PVR: variants seen among roughly 807,000 people sequenced by gnomAD.
PVR encodes the protein poliovirus receptor.
Under a neutral mutation model 43.3 loss-of-function variants are expected in PVR, and 39 were observed. That is an observed-to-expected ratio of 0.90 (90% CI 0.70 to 1.18). The LOEUF is 1.18. PVR is among the 50% of genes most tolerant of loss of function. PVR has a pLI of 0.00. For synonymous variants in PVR, 224 were observed against 233.2 expected (o/e 0.96, Z 0.36); for missense variants, 480 against 549.7 (o/e 0.87, Z 1.27).
chr19:44,657,681 C>T, intron 4 of PVR, 81 bp from the exon 5 acceptor site: 1 of 1,460,312 alleles, frequency 6.8e-7, no homozygotes, highest in South Asian at 1.2e-5. Context: ...GTGAGGGTTT[C>T]TGGGCACGTA....
chr19:44,653,712 A>G (rs753141080), intron 3 of PVR, 188 bp from the exon 4 acceptor site: 3 of 566,138 alleles, frequency 5.3e-6, no homozygotes, highest in Admixed American at 2.5e-5. Flanking sequence ...CCATGTCCCC[A>G]CTGACCAAGG....
At position 44,657,916 on chromosome 19, in the gene PVR, G is replaced by C; in HGVS notation, c.991+6G>C. ...ACTGACCGTCCAGGTCAAAGGTGAG[G>C]AACTCCCTGGGTGGGAAGAACAGGG... On this transcript the variant is annotated splice_donor_region_variant and intron_variant, in intron 5 of 7. Transcript: ENST00000425690. 4 of 1,612,944 alleles carry C rather than the reference G, an allele frequency of 2.5e-6. No individual in the cohort carries two copies. In the South Asian group the frequency reaches 3.3e-5, roughly 13 times the overall value.
At chr19:44,660,436 T>C (rs1415806920) in intron 6 of PVR, among the ~76,000 whole-genome samples, 1 of 152,216 alleles carries the variant, frequency 6.6e-6, no homozygotes, top group Non-Finnish European at 1.5e-5. Flanking sequence ...ATACTGAGTA[T>C]GTATTTGCTA....
intron 3 of PVR, among the ~76,000 whole-genome samples, chr19:44,650,369 T>TCTGCACGGATACCTGACACTCTGTTGA (rs1973248164): frequency 6.6e-6 from 1 of 152,086 alleles, no homozygotes; most frequent in African/African-American, 2.4e-5. Flanking sequence ...CTAGCGGCTG[T>TCTGCACGGATACCTGACACTCTGTTGA]CTGCACGGAT....
At position 44,663,630 on chromosome 19, in the gene PVR, G is replaced by A. The variant is rs1973639910; in HGVS notation, c.*1819G>A. 1 of 152,182 alleles carries A rather than the reference G, an allele frequency of 6.6e-6. No homozygotes were observed. Among genetic ancestry groups the A allele is most frequent in the Non-Finnish European group, 1.5e-5 (1 of 68,048 alleles). The allele number at this position is 152,182 out of a possible 1,614,324, so 9.4% of individuals were successfully genotyped here. A position where few individuals can be genotyped will look rare whatever the true frequency, so the allele number is the denominator to read the frequency against. On this transcript the variant is annotated 3_prime_UTR_variant, in exon 8 of 8. Coordinates refer to ENST00000425690, the MANE Select transcript of PVR (RefSeq NM_006505.5). ...TTTTGTGGAAATCAAGGAGCAGACA[G>A]GTTTCATGTGTACTGTCACCACGTG... is the stretch of plus-strand genomic sequence containing the variant.
chr19:44,647,530 G>T lies in PVR; in HGVS notation c.387G>T (p.Pro129=), dbSNP rs1973162325. The part of the protein sequence containing the change: ...GNYTCLFVTF[P]QGSRSVDIWL... ...ACACCTGCCTGTTCGTCACGTTCCC[G>T]CAGGGCAGCAGGAGCGTGGATATCT... Residue 129 remains proline, a synonymous_variant, in exon 2 of 8, where the codon CCG becomes CCT. Coordinates refer to ENST00000425690, the MANE Select transcript of PVR (RefSeq NM_006505.5). 6.2e-7 allele frequency: 1 copy of T among 1,613,764 alleles called. No homozygotes were observed. The highest frequency in any genetic ancestry group is 8.5e-7 in the Non-Finnish European group (1 of 1,179,836).
chr19:44,656,336 C>T (rs1024298722), intron 4 of PVR, among the ~76,000 whole-genome samples: 1 of 152,154 alleles, frequency 6.6e-6, no homozygotes, highest in African/African-American at 2.4e-5. Context: ...GAAGGAATTG[C>T]CGGTCAAAGG....
intron 2 of PVR, 95 bp downstream of exon 2, chr19:44,647,665 G>C: frequency 1.2e-5 from 11 of 907,666 alleles, no homozygotes; most frequent in Non-Finnish European, 1.7e-5. Flanking sequence ...TGGGAGGGAG[G>C]GAGATTCCCT....
chr19:44,645,185 AT>A (rs1333447841), intron 1 of PVR, among the ~76,000 whole-genome samples: 2 of 94,656 alleles, frequency 2.1e-5, no homozygotes, highest in Non-Finnish European at 3.8e-5. Flanking sequence ...TATATATATT[AT>A]TATAATATAT....
intron 1 of PVR, among the ~76,000 whole-genome samples, chr19:44,646,852 C>A (rs1973129530): frequency 6.6e-6 from 1 of 152,132 alleles, no homozygotes; most frequent in South Asian, 2.1e-4. Context: ...GTACATAGTG[C>A]CACTGAACTG....
At chr19:44,647,077 T>TAC in intron 1 of PVR, 146 bp from the exon 2 acceptor site, 1 of 311,374 alleles carries the variant, frequency 3.2e-6, no homozygotes, top group Non-Finnish European at 5.7e-6. Flanking sequence ...GTGCCCCAGT[T>TAC]CCCCCTCCCC....
chr19:44,660,998 C>T (rs943183052), intron 6 of PVR, among the ~76,000 whole-genome samples: 2 of 152,186 alleles, frequency 1.3e-5, no homozygotes, highest in African/African-American at 4.8e-5. Context: ...TGTCCAAGTT[C>T]ACACAGCTCC....
rs1305518265 is a variant in PVR at position 44,665,609 on chromosome 19, G to A, written c.*3798G>A. 2 of 150,282 alleles carry A rather than the reference G, an allele frequency of 1.3e-5. No individual in the cohort carries two copies. The highest frequency in any genetic ancestry group is 5.1e-5 in the African/African-American group (2 of 38,960). The allele number at this position is 150,282 out of a possible 1,614,324, so 9.3% of individuals were successfully genotyped here. On this transcript the variant is annotated 3_prime_UTR_variant, in exon 8 of 8. Transcript: ENST00000425690. ...TGATCGAGTTACTGCACTCCAGCCTGGGTGACAAGAGTGAGACTCTGTCTC... is the reference window on the plus strand; with the variant it reads ...TGATCGAGTTACTGCACTCCAGCCTAGGTGACAAGAGTGAGACTCTGTCTC...
chr19:44,664,886 G>A lies in PVR; in HGVS notation c.*3075G>A, dbSNP rs991954199. On this transcript the variant is annotated 3_prime_UTR_variant, in exon 8 of 8. Coordinates refer to ENST00000425690, the MANE Select transcript of PVR (RefSeq NM_006505.5). Reference sequence around the variant, plus strand: ...TCATTTAGCTCATGTTAACACCTGAGTGTAGGACACACTCCTGGAGGTGGA... The same window carrying A: ...TCATTTAGCTCATGTTAACACCTGAATGTAGGACACACTCCTGGAGGTGGA... 1 of 152,112 alleles carries A rather than the reference G, an allele frequency of 6.6e-6. No homozygotes were observed. Among genetic ancestry groups the A allele is most frequent in the Non-Finnish European group, 1.5e-5 (1 of 68,040 alleles). The allele number at this position is 152,112 out of a possible 1,614,324, so 9.4% of individuals were successfully genotyped here.
chr19:44,647,165 CT>C, intron 1 of PVR, 57 bp from the exon 2 acceptor site: 1 of 1,367,002 alleles, frequency 7.3e-7, no homozygotes. Context: ...CCTGGAGCCC[CT>C]CCCTATCTAG....
rs74365098 is a variant in PVR, at chr19:44,656,338, G to A, written c.843-1424G>A. On this transcript the variant is annotated intron_variant, in intron 4 of 7. Coordinates refer to ENST00000425690, the MANE Select transcript of PVR (RefSeq NM_006505.5). ...GCAGTTGTCCGTGGAAGGAATTGCC[G>A]GTCAAAGGTTTTCAACTGGTGTGAT... 1.7e-3 allele frequency among the ~76,000 whole-genome samples: 266 copies of A among 152,298 alleles called. 5 individuals carry two copies. The East Asian group carries it at 0.048, about 28-fold the overall frequency.
At chr19:44,655,925 C>T (rs1283262302) in intron 4 of PVR, among the ~76,000 whole-genome samples, 1 of 145,602 alleles carries the variant, frequency 6.9e-6, no homozygotes, top group African/African-American at 2.6e-5. Context: ...GCTGTAGTGC[C>T]GTGGCACAAT....
intron 6 of PVR, among the ~76,000 whole-genome samples, chr19:44,660,198 C>T (rs997310274): frequency 2.6e-5 from 4 of 152,136 alleles, no homozygotes; most frequent in Non-Finnish European, 5.9e-5. Context: ...ACCACTGGGC[C>T]GGGCATAAAA....
chr19:44,664,900 C>G lies in PVR; in HGVS notation c.*3089C>G, dbSNP rs1973672981. 1 of 152,034 alleles carries G rather than the reference C, an allele frequency of 6.6e-6. No individual in the cohort carries two copies. The highest frequency in any genetic ancestry group is 1.5e-5 in the Non-Finnish European group (1 of 68,010). 9.4% of individuals were successfully genotyped at this position (152,034 alleles called of 1,614,324 possible). On this transcript the variant is annotated 3_prime_UTR_variant, in exon 8 of 8. Transcript: ENST00000425690. ...TTAACACCTGAGTGTAGGACACACT[C>G]CTGGAGGTGGAATTGCTGGGCCAAA...
Sources: gnomAD v4.1 joint callset for allele counts (sites outside exome capture counted in the v4.1 genomes callset) on GRCh38, gnomAD v4.1.1 for gene constraint, MANE v1.5 for transcripts, NCBI Gene and HGNC (gene_info 2026-07-23, HGNC 2026-07-21) for gene names.